LRP1B: variants seen among roughly 807,000 people sequenced by gnomAD.
The protein encoded by LRP1B is LDL receptor related protein 1B.
A neutral mutation model predicts 556.6 loss-of-function variants in LRP1B; 217 were observed. The ratio of observed to expected loss-of-function variants is 0.39; its 90% CI spans 0.35 to 0.44. LRP1B has a LOEUF of 0.44. Ranked by LOEUF, LRP1B falls within the 20% of genes least tolerant of loss-of-function variation. LRP1B has a pLI of 1.00. For missense variants in LRP1B, 5,053 were observed against 5,620.8 expected, an observed-to-expected ratio of 0.90 and a Z score of 3.23; for synonymous variants, 2,047 against 1,865.8, an observed-to-expected ratio of 1.10 and a Z score of -2.50.
intron 2 of LRP1B, among the ~76,000 whole-genome samples, chr2:141,571,102 G>A (rs1574090328): frequency 6.6e-6 from 1 of 151,404 alleles, no homozygotes; most frequent in East Asian, 1.9e-4. Flanking sequence ...ACCCAACTGG[G>A]TGAGACGCTC....
intron 3 of LRP1B, among the ~76,000 whole-genome samples, chr2:141,399,215 C>T (rs1404823151): frequency 6.6e-6 from 1 of 151,982 alleles, no homozygotes; most frequent in Non-Finnish European, 1.5e-5. Context: ...AAGATCGTGC[C>T]ACCGTGCTCC....
At chr2:141,739,207 TTC>T (rs1313570758) in intron 2 of LRP1B, among the ~76,000 whole-genome samples, 1 of 152,140 alleles carries the variant, frequency 6.6e-6, no homozygotes, top group Non-Finnish European at 1.5e-5. Context: ...TTGTTTTTTA[TTC>T]TGTTATCCTC....
intron 2 of LRP1B, among the ~76,000 whole-genome samples, chr2:141,574,746 T>C (rs975923060): frequency 1.3e-5 from 2 of 152,036 alleles, no homozygotes; most frequent in Non-Finnish European, 2.9e-5. Context: ...CTGATAAGCA[T>C]CTTCAGCAAG....
At chr2:141,702,367 T>A (rs146787478) in intron 2 of LRP1B, among the ~76,000 whole-genome samples, 98 of 152,032 alleles carry the variant, frequency 6.4e-4, no homozygotes, top group African/African-American at 1.7e-3. Context: ...TCCCCTCAGC[T>A]ATAATGTAAC....
At chr2:141,684,784 T>C (rs1359655190) in intron 2 of LRP1B, among the ~76,000 whole-genome samples, 1 of 151,938 alleles carries the variant, frequency 6.6e-6, no homozygotes, top group Non-Finnish European at 1.5e-5. Flanking sequence ...ATCCAAGAGA[T>C]TCTTAAGCAT....
chr2:141,482,982 CTTTAAGTT>C (rs2105095024), intron 2 of LRP1B, among the ~76,000 whole-genome samples: 1 of 151,600 alleles, frequency 6.6e-6, no homozygotes, highest in African/African-American at 2.4e-5. Context: ...TATTATTATA[CTTTAAGTT>C]TTAGGGTACG....
At chr2:141,141,698 T>G (rs1258671784) in intron 7 of LRP1B, among the ~76,000 whole-genome samples, 1 of 152,150 alleles carries the variant, frequency 6.6e-6, no homozygotes, top group African/African-American at 2.4e-5. Flanking sequence ...ATAAGACAAT[T>G]TCTAAGGACA....
At chr2:140,556,011 A>G (rs1387060745) in intron 43 of LRP1B, among the ~76,000 whole-genome samples, 2 of 152,224 alleles carry the variant, frequency 1.3e-5, no homozygotes, top group Admixed American at 6.6e-5. Flanking sequence ...TTACAAGTAG[A>G]TGAAGTTACC....
chr2:141,846,039 A>C (rs1350043631), intron 1 of LRP1B, among the ~76,000 whole-genome samples: 3 of 151,598 alleles, frequency 2.0e-5, no homozygotes, highest in African/African-American at 7.2e-5. Flanking sequence ...CAGTTGAGAG[A>C]TGTGAAAAAT....
At chr2:141,324,529 A>G (rs1029999280) in intron 3 of LRP1B, among the ~76,000 whole-genome samples, 2 of 152,136 alleles carry the variant, frequency 1.3e-5, no homozygotes, top group Admixed American at 1.3e-4. Context: ...TGAAAATGAC[A>G]TATATTTAGA....
At chr2:141,075,952 T>G (rs1699774456) in intron 7 of LRP1B, among the ~76,000 whole-genome samples, 2 of 152,194 alleles carry the variant, frequency 1.3e-5, no homozygotes. Context: ...CATTGTGCAA[T>G]AATATTGCAG....
chr2:141,599,112 G>C (rs1055237322), intron 2 of LRP1B, among the ~76,000 whole-genome samples: 1 of 116,786 alleles, frequency 8.6e-6, no homozygotes, highest in African/African-American at 3.5e-5. Context: ...ATTTTGGAAA[G>C]TTGCTATTTC....
intron 41 of LRP1B, among the ~76,000 whole-genome samples, chr2:140,637,536 G>A (rs546556604): frequency 6.6e-6 from 1 of 152,224 alleles, no homozygotes; most frequent in African/African-American, 2.4e-5. Context: ...AGGCCCCAAA[G>A]CATTCTGCTT....
At chr2:142,013,724 TATTA>T (rs1257106949) in intron 1 of LRP1B, among the ~76,000 whole-genome samples, 1 of 152,108 alleles carries the variant, frequency 6.6e-6, no homozygotes, top group Non-Finnish European at 1.5e-5. Context: ...ATTGTACTAA[TATTA>T]ATTATAATTT....
Position 140,239,433 on chromosome 2 carries a change from G to T in LRP1B, c.13415+9C>A. On this transcript the variant is annotated intron_variant, in intron 88 of 90. Transcript: ENST00000389484. ...TCACTGACTGCTAATCTAGAACATT[G>T]CATCTTACCTTCTTTTTCTTTTACA... The T allele has an allele frequency of 6.4e-7, 1 of 1,550,460 alleles. No homozygotes were observed. Among genetic ancestry groups the T allele is most frequent in the Non-Finnish European group, 8.8e-7 (1 of 1,131,362 alleles).
intron 7 of LRP1B, among the ~76,000 whole-genome samples, chr2:141,132,789 G>T (rs911210570): frequency 6.6e-6 from 1 of 151,654 alleles, no homozygotes; most frequent in African/African-American, 2.4e-5. Flanking sequence ...TATATATTTG[G>T]GAGCATGTGT....
At chr2:141,137,156 T>G (rs1468679233) in intron 7 of LRP1B, among the ~76,000 whole-genome samples, 3 of 152,028 alleles carry the variant, frequency 2.0e-5, no homozygotes, top group Admixed American at 1.3e-4. Flanking sequence ...TCCATTGTTA[T>G]AATTTTTAAA....
intron 20 of LRP1B, among the ~76,000 whole-genome samples, chr2:140,925,439 G>T (rs1694857609): frequency 6.6e-6 from 1 of 152,156 alleles, no homozygotes; most frequent in South Asian, 2.1e-4. Context: ...ATGCAGCAAT[G>T]AAAGGGCTTT....
chr2:141,035,280 C>T (rs1016865002), intron 11 of LRP1B, among the ~76,000 whole-genome samples: 8 of 151,902 alleles, frequency 5.3e-5, no homozygotes, highest in Non-Finnish European at 7.4e-5. Context: ...GGGTGCAGCA[C>T]ACCAGCATGG....
Sources: allele counts gnomAD v4.1 joint callset (sites outside exome capture counted in the v4.1 genomes callset), GRCh38; gene constraint gnomAD v4.1.1; transcripts MANE v1.5; gene names NCBI Gene and HGNC (gene_info 2026-07-23, HGNC 2026-07-21).